FAM171A1: variants seen among roughly 807,000 people sequenced by gnomAD.
FAM171A1 encodes protein FAM171A1.
Under a neutral mutation model 74.9 loss-of-function variants are expected in FAM171A1, and 23 were observed. The ratio of observed to expected loss-of-function variants is 0.31; its 90% CI spans 0.22 to 0.44. The LOEUF is 0.44. Ranked by LOEUF, FAM171A1 falls within the 20% of genes least tolerant of loss-of-function variation. The probability of loss-of-function intolerance (pLI) is 1.00; values close to 1 mark genes in which losing one functional copy is unlikely to be tolerated. For missense variants in FAM171A1, 1,162 were observed against 1,159.2 expected (o/e 1.00, Z -0.03); for synonymous variants, 527 against 505.7 (o/e 1.04, Z -0.57).
intron 1 of FAM171A1, among the ~76,000 whole-genome samples, chr10:15,370,368 G>A (rs1836124601): frequency 6.6e-6 from 1 of 151,932 alleles, no homozygotes; most frequent in Non-Finnish European, 1.5e-5. Flanking sequence ...AGATAGGCAG[G>A]GGGAGAGAAC....
chr10:15,313,394 T>A (rs182629848), intron 1 of FAM171A1, among the ~76,000 whole-genome samples: 18 of 152,306 alleles, frequency 1.2e-4, no homozygotes, highest in African/African-American at 3.4e-4. Context: ...GAGCTAAAAT[T>A]TTCCCTCTTG....
intron 1 of FAM171A1, among the ~76,000 whole-genome samples, chr10:15,335,222 C>T (rs12262437): frequency 0.1 from 15,662 of 152,032 alleles, 1,638 homozygotes; most frequent in African/African-American, 0.27. Context: ...CCAGCCTGGG[C>T]GACAGAGTGA....
chr10:15,368,011 G>A (rs898750503), intron 1 of FAM171A1, among the ~76,000 whole-genome samples: 1 of 152,172 alleles, frequency 6.6e-6, no homozygotes, highest in African/African-American at 2.4e-5. Flanking sequence ...TGCAAAAGAG[G>A]TGAAGAAAAT....
intron 1 of FAM171A1, among the ~76,000 whole-genome samples, chr10:15,322,317 T>A (rs1835496440): frequency 6.6e-6 from 1 of 152,248 alleles, no homozygotes; most frequent in South Asian, 2.1e-4. Flanking sequence ...TTTTCCAGAA[T>A]GCTTTCCAAC....
intron 1 of FAM171A1, among the ~76,000 whole-genome samples, chr10:15,304,709 T>C (rs77268681): frequency 0.012 from 1,844 of 152,220 alleles, 36 homozygotes; most frequent in African/African-American, 0.042. Flanking sequence ...ACTCTTCTTT[T>C]CTTTTAACTT....
chr10:15,274,347 C>T (rs1196822018), intron 3 of FAM171A1, among the ~76,000 whole-genome samples: 3 of 152,154 alleles, frequency 2.0e-5, no homozygotes, highest in Non-Finnish European at 4.4e-5. Context: ...AGGACCTCCT[C>T]AGGGAGAACT....
intron 1 of FAM171A1, among the ~76,000 whole-genome samples, chr10:15,321,972 C>T (rs746261673): frequency 7.2e-5 from 11 of 152,182 alleles, no homozygotes; most frequent in Non-Finnish European, 1.3e-4. Context: ...TGAGCCAAGA[C>T]AGCCACATAT....
At chr10:15,346,354 C>G (rs1046584706) in intron 1 of FAM171A1, among the ~76,000 whole-genome samples, 1 of 152,098 alleles carries the variant, frequency 6.6e-6, no homozygotes, top group African/African-American at 2.4e-5. Flanking sequence ...CGCCTGGCCT[C>G]CTGAAGTACT....
At chr10:15,374,460 A>G (rs1461687093), upstream of FAM171A1, among the ~76,000 whole-genome samples, 1 of 152,258 alleles carries the variant, frequency 6.6e-6, no homozygotes, top group Non-Finnish European at 1.5e-5. Flanking sequence ...TTATGTAAGA[A>G]TTAAATAATC....
rs192510034 is a variant in FAM171A1, at chr10:15,346,503, A to G, written c.97+24453T>C. 6.8e-4 allele frequency among the ~76,000 whole-genome samples: 103 copies of G among 152,306 alleles called. 1 individual carries two copies. In the South Asian group the frequency reaches 8.3e-3, roughly 12 times the overall value. ...ATACAGCTCCCGAATGAAAGCTCAA[A>G]TGCTCTGAGCAAGAACTCACAGATC... On this transcript the variant is annotated intron_variant, in intron 1 of 7. Transcript: ENST00000378116.
intron 1 of FAM171A1, among the ~76,000 whole-genome samples, chr10:15,355,337 G>A (rs922681802): frequency 1.3e-5 from 2 of 152,254 alleles, no homozygotes; most frequent in Admixed American, 6.5e-5. Flanking sequence ...AGCCTCCCAA[G>A]GTATTGGGAC....
At chr10:15,298,757 T>C (rs79045141) in intron 1 of FAM171A1, among the ~76,000 whole-genome samples, 1,835 of 152,214 alleles carry the variant, frequency 0.012, 36 homozygotes, top group African/African-American at 0.042. Flanking sequence ...ACCACGGAAA[T>C]GTAAATATGG....
intron 4 of FAM171A1, among the ~76,000 whole-genome samples, chr10:15,249,499 C>T (rs990846960): frequency 3.3e-5 from 5 of 152,128 alleles, no homozygotes; most frequent in Non-Finnish European, 5.9e-5. Flanking sequence ...TGGAAATCAC[C>T]GGAAATAACT....
chr10:15,320,488 A>C (rs2131847305), intron 1 of FAM171A1, among the ~76,000 whole-genome samples: 1 of 152,322 alleles, frequency 6.6e-6, no homozygotes, highest in East Asian at 1.9e-4. Context: ...TATAAATGTA[A>C]TGGGATTGCC....
intron 1 of FAM171A1, among the ~76,000 whole-genome samples, chr10:15,340,665 G>C (rs1249599670): frequency 6.6e-6 from 1 of 152,188 alleles, no homozygotes; most frequent in Non-Finnish European, 1.5e-5. Context: ...TCCTGGAGTT[G>C]TGCATACTTG....
intron 3 of FAM171A1, among the ~76,000 whole-genome samples, chr10:15,264,207 G>C (rs563886301): frequency 6.6e-6 from 1 of 152,264 alleles, no homozygotes; most frequent in South Asian, 2.1e-4. Context: ...CTGGGCTCAA[G>C]TGATCTTACC....
intron 5 of FAM171A1, among the ~76,000 whole-genome samples, chr10:15,233,362 T>A (rs1403419170): frequency 6.6e-6 from 1 of 152,166 alleles, no homozygotes; most frequent in Non-Finnish European, 1.5e-5. Flanking sequence ...GTGATCCCAT[T>A]TTTCTTCCCC....
chr10:15,283,986 C>G lies in FAM171A1; in HGVS notation c.217G>C (p.Val73Leu). ...TTATACTGGAACTTGATAAAGGCGA[C>G]GCCATCAGTCCCCGAGGTGCCAGAG... ...IASGTSGTDG[V>L]AFIKFQYKLG... Residue 73 changes from valine to leucine, a missense_variant, in exon 2 of 8, where the codon GTC becomes CTC. Transcript: ENST00000378116. 6.2e-7 allele frequency: 1 copy of G among 1,614,150 alleles called. No individual in the cohort carries two copies. The highest frequency in any genetic ancestry group is 8.5e-7 in the Non-Finnish European group (1 of 1,180,024).
intron 1 of FAM171A1, among the ~76,000 whole-genome samples, chr10:15,290,422 T>C (rs930291709): frequency 1.3e-5 from 2 of 152,092 alleles, no homozygotes; most frequent in African/African-American, 2.4e-5. Flanking sequence ...AAGGCTGCAG[T>C]AAGGTGGATT....
Sources: allele counts gnomAD v4.1 joint callset (sites outside exome capture counted in the v4.1 genomes callset), GRCh38; gene constraint gnomAD v4.1.1; transcripts MANE v1.5; gene names NCBI Gene and HGNC (gene_info 2026-07-23, HGNC 2026-07-21).